Variants in GRAMD2B observed in about 807,000 individuals in gnomAD.
The protein encoded by GRAMD2B is GRAM domain-containing protein 2B.
GRAMD2B carries 41 observed loss-of-function variants against 59.2 expected under a neutral mutation model. That is an observed-to-expected ratio of 0.69 (90% CI 0.54 to 0.90). The LOEUF is 0.90. Ranked by LOEUF, GRAMD2B falls within the 40% of genes least tolerant of loss-of-function variation. The probability of loss-of-function intolerance (pLI) is 0.00; values close to 1 mark genes in which losing one functional copy is unlikely to be tolerated. For missense variants in GRAMD2B, 424 were observed against 500.5 expected, an observed-to-expected ratio of 0.85 and a Z score of 1.46; for synonymous variants, 161 against 182.7, an observed-to-expected ratio of 0.88 and a Z score of 0.96.
upstream of GRAMD2B, among the ~76,000 whole-genome samples, chr5:126,366,729 C>T (rs1451567262): frequency 6.6e-6 from 1 of 152,056 alleles, no homozygotes; most frequent in Non-Finnish European, 1.5e-5. Context: ...AAACAGCCAA[C>T]CACAGGAATG....
At chr5:126,470,302 A>C (rs1376693720) in intron 3 of GRAMD2B, among the ~76,000 whole-genome samples, 1 of 152,176 alleles carries the variant, frequency 6.6e-6, no homozygotes, top group Non-Finnish European at 1.5e-5. Context: ...AGTGTGATGC[A>C]TGTGCTGGGG....
At chr5:126,394,321 G>A (rs1757159579) in intron 1 of GRAMD2B, among the ~76,000 whole-genome samples, 1 of 151,920 alleles carries the variant, frequency 6.6e-6, no homozygotes, top group Non-Finnish European at 1.5e-5. Context: ...GTCTGCAGAG[G>A]CAAACCTCAG....
rs376057668 is a variant in GRAMD2B, at chr5:126,486,845, C to T, written c.1059-28C>T. ...CATCAGATCCTGGCCGTTAACCTAA[C>T]GAAAGTTTCTCTTTCATCCGTTTCC... On this transcript the variant is annotated intron_variant, in intron 11 of 13. Coordinates refer to ENST00000285689, the MANE Select transcript of GRAMD2B (RefSeq NM_023927.4). 62 of 1,424,206 alleles carry T rather than the reference C, an allele frequency of 4.4e-5. No individual in the cohort carries two copies. The Admixed American group carries it at 4.7e-4, about 11-fold the overall frequency. 88.2% of individuals were successfully genotyped at this position (1,424,206 alleles called of 1,614,324 possible).
At chr5:126,444,242 C>T (rs1440742677) in intron 1 of GRAMD2B, among the ~76,000 whole-genome samples, 1 of 152,174 alleles carries the variant, frequency 6.6e-6, no homozygotes, top group Non-Finnish European at 1.5e-5. Flanking sequence ...TCCATTATCC[C>T]CCACTACTGA....
At position 126,389,508 on chromosome 5, in the gene GRAMD2B, T is replaced by C. The variant is rs75806671; in HGVS notation, c.125+17941T>C. Among the ~76,000 whole-genome samples, 1,521 of 152,334 alleles carry C rather than the reference T, an allele frequency of 1.0e-2. 21 individuals carry two copies. Among genetic ancestry groups the C allele is most frequent in the African/African-American group, 0.034 (1,432 of 41,538 alleles). On this transcript the variant is annotated intron_variant, in intron 1 of 8. Transcript: ENST00000506445. Reference sequence around the variant, plus strand: ...CCTAAGCTATTGTTTTATAGTCTTCTATTCTTAGTAAGAGCCCCTGAATGG... The same window carrying C: ...CCTAAGCTATTGTTTTATAGTCTTCCATTCTTAGTAAGAGCCCCTGAATGG...
rs1774311562 is a variant in GRAMD2B, at chr5:126,493,721, A to G, written c.*765A>G. 6.6e-6 allele frequency: 1 copy of G among 152,476 alleles called. No homozygotes were observed. Among genetic ancestry groups the G allele is most frequent in the African/African-American group, 2.4e-5 (1 of 41,464 alleles). The allele number at this position is 152,476 out of a possible 1,614,324, so 9.4% of individuals were successfully genotyped here. A position where few individuals can be genotyped will look rare whatever the true frequency, so the allele number is the denominator to read the frequency against. On this transcript the variant is annotated 3_prime_UTR_variant, in exon 14 of 14. Coordinates refer to ENST00000285689, the MANE Select transcript of GRAMD2B (RefSeq NM_023927.4). ...GAAACCAAACCTAATTTTTAAGCCAAAAGGTGTAATAGTGATTTAATACAG... is the reference window on the plus strand; with the variant it reads ...GAAACCAAACCTAATTTTTAAGCCAGAAGGTGTAATAGTGATTTAATACAG...
intron 11 of GRAMD2B, 92 bp from the exon 12 acceptor site, chr5:126,486,781 C>A: frequency 2.8e-6 from 2 of 705,574 alleles, no homozygotes; most frequent in Non-Finnish European, 2.5e-6. Flanking sequence ...AAATACCTTG[C>A]CTCGGGTGTA....
chr5:126,427,961 G>A (rs971813354), intron 1 of GRAMD2B, among the ~76,000 whole-genome samples: 3 of 152,184 alleles, frequency 2.0e-5, no homozygotes, highest in Admixed American at 6.5e-5. Flanking sequence ...GACAGGCTGG[G>A]TGTGGTAGCT....
intron 1 of GRAMD2B, among the ~76,000 whole-genome samples, chr5:126,412,315 T>C (rs1165491927): frequency 2.6e-5 from 4 of 152,142 alleles, no homozygotes; most frequent in African/African-American, 7.2e-5. Flanking sequence ...GTTTTTATCA[T>C]GAAAGAATGT....
chr5:126,395,408 G>T (rs908053457), intron 1 of GRAMD2B, among the ~76,000 whole-genome samples: 1 of 152,118 alleles, frequency 6.6e-6, no homozygotes, highest in Non-Finnish European at 1.5e-5. Flanking sequence ...GCTGTCTTGT[G>T]GATGAAAGCC....
At chr5:126,401,112 T>A (rs1408005214) in intron 1 of GRAMD2B, among the ~76,000 whole-genome samples, 1 of 152,036 alleles carries the variant, frequency 6.6e-6, no homozygotes, top group Non-Finnish European at 1.5e-5. Context: ...TTAGGCTTTC[T>A]TTACTTTTTA....
intron 4 of GRAMD2B, among the ~76,000 whole-genome samples, chr5:126,472,894 G>A (rs1406068340): frequency 8.5e-5 from 13 of 152,166 alleles, no homozygotes; most frequent in Admixed American, 8.5e-4. Context: ...CCCTAGTGAG[G>A]CCATGTATTT....
At chr5:126,367,045 G>A (rs902576513), upstream of GRAMD2B, among the ~76,000 whole-genome samples, 10 of 151,776 alleles carry the variant, frequency 6.6e-5, no homozygotes, top group African/African-American at 2.4e-4. Flanking sequence ...TAGTAGAGAC[G>A]GTGGTTTCAC....
At chr5:126,481,456 A>G (rs2126911649) in intron 8 of GRAMD2B, among the ~76,000 whole-genome samples, 1 of 152,330 alleles carries the variant, frequency 6.6e-6, no homozygotes, top group Admixed American at 6.5e-5. Flanking sequence ...GTGAAGCAAT[A>G]TGAGCCCATG....
At chr5:126,454,809 G>A (rs35928076) in intron 1 of GRAMD2B, among the ~76,000 whole-genome samples, 44,701 of 152,074 alleles carry the variant, frequency 0.29, 6,971 homozygotes, top group East Asian at 0.59. Flanking sequence ...TTGAGACTCA[G>A]TGGAATTAGT....
At chr5:126,383,761 GC>G (rs2149707982) in intron 1 of GRAMD2B, among the ~76,000 whole-genome samples, 1 of 152,194 alleles carries the variant, frequency 6.6e-6, no homozygotes, top group Non-Finnish European at 1.5e-5. Context: ...AATTATTTGG[GC>G]TATTTTCAAA....
chr5:126,403,578 T>C (rs1213992972), intron 1 of GRAMD2B, among the ~76,000 whole-genome samples: 1 of 151,922 alleles, frequency 6.6e-6, no homozygotes. Context: ...TTACAAAGTT[T>C]AGGCTCTAGG....
intron 1 of GRAMD2B, among the ~76,000 whole-genome samples, chr5:126,387,386 T>C (rs1756256426): frequency 6.6e-6 from 1 of 151,962 alleles, no homozygotes; most frequent in African/African-American, 2.4e-5. Flanking sequence ...AAATGTTCTG[T>C]ACTCAGGAAT....
At chr5:126,443,055 C>T (rs1417973170) in intron 1 of GRAMD2B, among the ~76,000 whole-genome samples, 1 of 152,108 alleles carries the variant, frequency 6.6e-6, no homozygotes, top group Non-Finnish European at 1.5e-5. Context: ...GATAAATTTA[C>T]CACTCTCTCC....
Sources: allele counts gnomAD v4.1 joint callset (sites outside exome capture counted in the v4.1 genomes callset), GRCh38; gene constraint gnomAD v4.1.1; transcripts MANE v1.5; gene names NCBI Gene and HGNC (gene_info 2026-07-23, HGNC 2026-07-21).